The following PRKCH variants were observed in gnomAD, a reference collection of about 807,000 sequenced individuals.
PRKCH encodes protein kinase C eta.
A neutral mutation model predicts 82.5 loss-of-function variants in PRKCH; 28 were observed. That is an observed-to-expected ratio of 0.34 (90% CI 0.25 to 0.47). The LOEUF is 0.47. Among genes scored for constraint, PRKCH ranks in the 20% least tolerant of loss-of-function variants. The pLI is 1.00. For missense variants in PRKCH, 705 were observed against 881.8 expected, an observed-to-expected ratio of 0.80 and a Z score of 2.54; for synonymous variants, 322 against 327.4, an observed-to-expected ratio of 0.98 and a Z score of 0.18.
chr14:61,239,244 T>C (rs2044814842), intron 1 of PRKCH, among the ~76,000 whole-genome samples: 1 of 152,088 alleles, frequency 6.6e-6, no homozygotes, highest in African/African-American at 2.4e-5. Flanking sequence ...ACTGTCACAA[T>C]CCATTTTACT....
chr14:61,231,128 T>A (rs2044739731), intron 1 of PRKCH, among the ~76,000 whole-genome samples: 1 of 152,226 alleles, frequency 6.6e-6, no homozygotes, highest in Non-Finnish European at 1.5e-5. Flanking sequence ...GGATGAGATC[T>A]CTCCAACACT....
At chr14:61,410,627 G>C (rs1882214644) in intron 2 of PRKCH, among the ~76,000 whole-genome samples, 2 of 152,288 alleles carry the variant, frequency 1.3e-5, no homozygotes, top group Non-Finnish European at 2.9e-5. Flanking sequence ...CACTGGTGTG[G>C]CTAAATTACT....
At chr14:61,339,885 A>G (rs1277493294) in intron 1 of PRKCH, among the ~76,000 whole-genome samples, 1 of 151,654 alleles carries the variant, frequency 6.6e-6, no homozygotes, top group Non-Finnish European at 1.5e-5. Flanking sequence ...AAGGTCCTCT[A>G]GGTTGCCCAG....
At position 61,280,251 on chromosome 14, in the gene PRKCH, G is replaced by A; in HGVS notation, c.-19+92583G>A. 1 of 1,614,166 alleles carries A rather than the reference G, an allele frequency of 6.2e-7. No homozygotes were observed. Among genetic ancestry groups the A allele is most frequent in the South Asian group, 1.1e-5 (1 of 91,084 alleles). On this transcript the variant is annotated intron_variant, in intron 1 of 3. Transcript: ENST00000555185. This position sits in a 1 kb window ranked among gnomAD's most constrained non-coding sequence, Gnocchi z 5.0. ...AGATGCTGCTGAAGATGAGGAGCTT[G>A]TGGCCGCCGAACGCGCGCACCGGGT...
Position 61,321,959 on chromosome 14 carries a change from C to T in PRKCH, c.-143C>T. On this transcript the variant is annotated 5_prime_UTR_variant, in exon 1 of 14. Transcript: ENST00000332981. This position sits in a 1 kb window ranked among gnomAD's most constrained non-coding sequence, Gnocchi z 4.1. ...AGTCCCACGGAGGAGGCAGAATGGC[C>T]AGTCGAGGGGCGCTTAGGCGCTGCC... 2.4e-6 allele frequency: 2 copies of T among 839,304 alleles called. No individual in the cohort carries two copies. Among genetic ancestry groups the T allele is most frequent in the Non-Finnish European group, 3.6e-6 (2 of 561,068 alleles). 52.0% of individuals were successfully genotyped at this position (839,304 alleles called of 1,614,324 possible). A position where few individuals can be genotyped will look rare whatever the true frequency, so the allele number is the denominator to read the frequency against.
At chr14:61,480,458 C>T (rs1454019881) in intron 9 of PRKCH, among the ~76,000 whole-genome samples, 1 of 152,222 alleles carries the variant, frequency 6.6e-6, no homozygotes, top group Non-Finnish European at 1.5e-5. Flanking sequence ...CCTTTTAGAG[C>T]TTCAAATACA....
At chr14:61,271,407 C>T (rs1011418161) in intron 1 of PRKCH, among the ~76,000 whole-genome samples, 2 of 152,226 alleles carry the variant, frequency 1.3e-5, no homozygotes, top group African/African-American at 2.4e-5. Context: ...CACCTTCTCA[C>T]GCCTTCAACT....
At chr14:61,421,871 C>T (rs1882853619) in intron 2 of PRKCH, among the ~76,000 whole-genome samples, 1 of 152,136 alleles carries the variant, frequency 6.6e-6, no homozygotes, top group South Asian at 2.1e-4. Flanking sequence ...ATTAGGGAGG[C>T]TTCTCCAGTA....
At chr14:61,431,356 G>A (rs181359350) in intron 2 of PRKCH, among the ~76,000 whole-genome samples, 19 of 152,250 alleles carry the variant, frequency 1.2e-4, no homozygotes, top group Non-Finnish European at 1.8e-4. Flanking sequence ...GTCAAGCGTC[G>A]GACAGGGTCC....
chr14:61,478,302 T>C (rs1395713879), intron 9 of PRKCH, among the ~76,000 whole-genome samples: 1 of 151,704 alleles, frequency 6.6e-6, no homozygotes, highest in African/African-American at 2.4e-5. Flanking sequence ...ACAGCAGGAG[T>C]TGCTCTTGGA....
chr14:61,397,314 C>G (rs2046800605), intron 2 of PRKCH, among the ~76,000 whole-genome samples: 2 of 152,138 alleles, frequency 1.3e-5, no homozygotes, highest in South Asian at 2.1e-4. Flanking sequence ...GATGATGAAT[C>G]CAGCTTTGGA....
intron 2 of PRKCH, among the ~76,000 whole-genome samples, chr14:61,417,489 C>G (rs1329042501): frequency 1.3e-5 from 2 of 152,210 alleles, no homozygotes; most frequent in Non-Finnish European, 2.9e-5. Context: ...CAGAGCCTCA[C>G]CTAAGTGTTG....
intron 1 of PRKCH, among the ~76,000 whole-genome samples, chr14:61,188,704 A>AATGTGT (rs2044387183): frequency 1.1e-5 from 1 of 87,860 alleles, no homozygotes; most frequent in Non-Finnish European, 2.3e-5. Flanking sequence ...ACGTTGCTGT[A>AATGTGT]GTGTGTGTGT....
intron 10 of PRKCH, among the ~76,000 whole-genome samples, chr14:61,507,242 T>C (rs1042476324): frequency 3.9e-5 from 6 of 152,136 alleles, no homozygotes; most frequent in African/African-American, 1.4e-4. Context: ...CAATGAAATA[T>C]CACCTCATAC....
At chr14:61,221,060 T>A (rs1594858834) in intron 1 of PRKCH, among the ~76,000 whole-genome samples, 1 of 152,108 alleles carries the variant, frequency 6.6e-6, no homozygotes, top group African/African-American at 2.4e-5. Context: ...TTTAAAAAAA[T>A]GAATCTGGAG....
rs750789914 is a variant in PRKCH, at chr14:61,280,654, A to G, written c.-19+92986A>G. 23 of 1,571,482 alleles carry G rather than the reference A, an allele frequency of 1.5e-5. No homozygotes were observed. The South Asian group carries it at 1.6e-4, about 11-fold the overall frequency. ...GGAGTCGTTGAAGAGGCTGTTGGCG[A>G]TGGCGCCGCAGGGCGCGATGGGCAG... On this transcript the variant is annotated intron_variant, in intron 1 of 3. Coordinates refer to the PRKCH transcript ENST00000555185. The surrounding 1 kb of genome is among the most constrained non-coding windows in gnomAD (Gnocchi z 5.0).
Position 61,528,227 on chromosome 14 carries a change from C to T in PRKCH, c.1434-848C>T, listed in dbSNP as rs1477944213. 2.0e-5 allele frequency among the ~76,000 whole-genome samples: 3 copies of T among 149,452 alleles called. No individual in the cohort carries two copies. The Admixed American group carries it at 2.0e-4, about 10-fold the overall frequency. ...TTTCATTTTAGAGACAGGGTCTCAC[C>T]CTGTCGCCCAGGCTGGAGTTCAGTG... On this transcript the variant is annotated intron_variant, in intron 10 of 13. Transcript: ENST00000332981.
At chr14:61,352,329 CA>C (rs1490324679) in intron 1 of PRKCH, among the ~76,000 whole-genome samples, 1 of 152,158 alleles carries the variant, frequency 6.6e-6, no homozygotes, top group Non-Finnish European at 1.5e-5. Context: ...CCCACATCCA[CA>C]TGGCTGTTAA....
In PRKCH at chr14:61,280,781, G is replaced by T; in HGVS notation, c.-19+93113G>T. ...GCGTCGTCGCGGGACACGCCGTAGC[G>T]CCGGTTGTTCTGGTAGAAGTTGGTC... On this transcript the variant is annotated intron_variant, in intron 1 of 3. Coordinates refer to the PRKCH transcript ENST00000555185. This position sits in a 1 kb window ranked among gnomAD's most constrained non-coding sequence, Gnocchi z 5.0. 6.4e-7 allele frequency: 1 copy of T among 1,555,868 alleles called. No individual in the cohort carries two copies. The highest frequency in any genetic ancestry group is 1.4e-5 in the African/African-American group (1 of 73,914).
Sources: allele counts gnomAD v4.1 joint callset (sites outside exome capture counted in the v4.1 genomes callset), GRCh38; gene constraint gnomAD v4.1.1; non-coding constraint Gnocchi (gnomAD v3.1); transcripts MANE v1.5; gene names NCBI Gene and HGNC (gene_info 2026-07-23, HGNC 2026-07-21).